Variants in CNTNAP5 observed in about 807,000 individuals in gnomAD.
CNTNAP5 encodes the protein contactin associated protein family member 5.
Under a neutral mutation model 150.2 loss-of-function variants are expected in CNTNAP5, and 72 were observed. The ratio of observed to expected loss-of-function variants is 0.48; its 90% CI spans 0.40 to 0.58. The LOEUF (loss-of-function observed/expected upper bound fraction) is 0.58, where lower values mean the gene tolerates loss of function less well. Ranked by LOEUF, CNTNAP5 falls within the 20% of genes least tolerant of loss-of-function variation. CNTNAP5 has a pLI of 0.00. For missense variants in CNTNAP5, 1,636 were observed against 1,626.2 expected, an observed-to-expected ratio of 1.01 and a Z score of -0.10; for synonymous variants, 672 against 619.8, an observed-to-expected ratio of 1.08 and a Z score of -1.25.
At chr2:124,555,435 A>G (rs368671566) in intron 10 of CNTNAP5, among the ~76,000 whole-genome samples, 11 of 152,364 alleles carry the variant, frequency 7.2e-5, no homozygotes, top group African/African-American at 2.6e-4. Flanking sequence ...TTGGCTGACC[A>G]TGAAACCCAT....
At chr2:124,388,898 C>T (rs867143497) in intron 3 of CNTNAP5, among the ~76,000 whole-genome samples, 2 of 152,064 alleles carry the variant, frequency 1.3e-5, no homozygotes, top group Non-Finnish European at 1.5e-5. Context: ...CCAGGCTGCA[C>T]GGGGTCCATT....
chr2:124,693,229 T>C (rs1679335812), intron 13 of CNTNAP5, among the ~76,000 whole-genome samples: 1 of 152,132 alleles, frequency 6.6e-6, no homozygotes, highest in Non-Finnish European at 1.5e-5. Flanking sequence ...GAAACATAGT[T>C]GGCACAGAAT....
intron 6 of CNTNAP5, among the ~76,000 whole-genome samples, chr2:124,455,574 A>T (rs1370197223): frequency 6.6e-6 from 1 of 152,124 alleles, no homozygotes; most frequent in Non-Finnish European, 1.5e-5. Context: ...TATGAAGCCA[A>T]TATCACCCTA....
chr2:124,324,295 C>A (rs1318417743), intron 3 of CNTNAP5, among the ~76,000 whole-genome samples: 1 of 152,162 alleles, frequency 6.6e-6, no homozygotes, highest in Non-Finnish European at 1.5e-5. Context: ...GACACAGACA[C>A]AGAAGGAGTT....
chr2:124,366,893 T>C (rs1230935957), intron 3 of CNTNAP5, among the ~76,000 whole-genome samples: 1 of 152,096 alleles, frequency 6.6e-6, no homozygotes, highest in Admixed American at 6.5e-5. Flanking sequence ...TCTCTTCTGC[T>C]GAGAGAGCAA....
intron 16 of CNTNAP5, among the ~76,000 whole-genome samples, chr2:124,765,472 ACAAT>A (rs1284080968): frequency 1.2e-5 from 1 of 86,202 alleles, no homozygotes. Flanking sequence ...TTAAAAATAA[ACAAT>A]TAGATTTGAG....
chr2:124,126,735 G>A (rs918001177), intron 1 of CNTNAP5, among the ~76,000 whole-genome samples: 11 of 152,074 alleles, frequency 7.2e-5, no homozygotes, highest in African/African-American at 2.7e-4. Flanking sequence ...CTCATCCCTG[G>A]GATACAACGC....
chr2:124,447,591 T>C (rs1414660697), intron 6 of CNTNAP5, among the ~76,000 whole-genome samples: 1 of 152,146 alleles, frequency 6.6e-6, no homozygotes, highest in East Asian at 1.9e-4. Context: ...AGTCTCTGAG[T>C]TGGAGAAACT....
chr2:124,229,000 T>C (rs1462688501), intron 2 of CNTNAP5, among the ~76,000 whole-genome samples: 2 of 152,130 alleles, frequency 1.3e-5, no homozygotes, highest in Admixed American at 6.6e-5. Context: ...CTGAGTCCCT[T>C]GATGATTATA....
chr2:124,166,127 A>C (rs1684806654), intron 1 of CNTNAP5, among the ~76,000 whole-genome samples: 1 of 152,132 alleles, frequency 6.6e-6, no homozygotes, highest in South Asian at 2.1e-4. Context: ...AATAATGCAG[A>C]CAAAATTCTT....
intron 3 of CNTNAP5, among the ~76,000 whole-genome samples, chr2:124,417,212 A>G (rs780147307): frequency 1.3e-5 from 2 of 152,120 alleles, no homozygotes; most frequent in Non-Finnish European, 2.9e-5. Context: ...TGCTGGGATT[A>G]CAGGAGTGAG....
chr2:124,042,783 C>CATCT (rs3036301), intron 1 of CNTNAP5, among the ~76,000 whole-genome samples: 35,899 of 148,070 alleles, frequency 0.24, 4,440 homozygotes, highest in Middle Eastern at 0.29. Context: ...AACTCTCTAT[C>CATCT]ATCTATCTAT....
chr2:124,181,126 A>G (rs1308519216), intron 1 of CNTNAP5, among the ~76,000 whole-genome samples: 1 of 151,932 alleles, frequency 6.6e-6, no homozygotes, highest in African/African-American at 2.4e-5. Flanking sequence ...CACATTTTCG[A>G]TGTAATTTTG....
At chr2:124,910,331 A>G (rs1678629810) in intron 22 of CNTNAP5, among the ~76,000 whole-genome samples, 12 of 152,100 alleles carry the variant, frequency 7.9e-5, no homozygotes, top group Admixed American at 6.6e-4. Context: ...ATAGTAAGCA[A>G]AATTATAAGA....
At chr2:124,608,774 G>A (rs1013262568) in intron 11 of CNTNAP5, among the ~76,000 whole-genome samples, 3 of 151,780 alleles carry the variant, frequency 2.0e-5, no homozygotes, top group African/African-American at 4.8e-5. Flanking sequence ...GTGAAACCCC[G>A]TCTCTACTAA....
intron 14 of CNTNAP5, among the ~76,000 whole-genome samples, chr2:124,758,924 C>A (rs1437871508): frequency 6.6e-6 from 1 of 152,076 alleles, no homozygotes; most frequent in Non-Finnish European, 1.5e-5. Context: ...TTGCAGATAC[C>A]TTTGCTAGAT....
chr2:124,265,785 G>C (rs1160296548), intron 3 of CNTNAP5, among the ~76,000 whole-genome samples: 3 of 152,102 alleles, frequency 2.0e-5, no homozygotes, highest in Admixed American at 1.3e-4. Context: ...GCTCTGGTTG[G>C]ACTACACAAA....
intron 11 of CNTNAP5, among the ~76,000 whole-genome samples, chr2:124,569,949 T>C (rs139490164): frequency 1.1e-3 from 170 of 152,342 alleles, no homozygotes; most frequent in African/African-American, 3.9e-3. Flanking sequence ...ATAAACCTAT[T>C]TAGGTGAGAA....
intron 14 of CNTNAP5, among the ~76,000 whole-genome samples, chr2:124,748,651 G>A (rs180993494): frequency 6.8e-4 from 104 of 152,162 alleles, no homozygotes; most frequent in Non-Finnish European, 1.3e-3. Flanking sequence ...TTAACAGCAA[G>A]GACTATTTCA....
Sources: allele counts gnomAD v4.1 joint callset (sites outside exome capture counted in the v4.1 genomes callset), GRCh38; gene constraint gnomAD v4.1.1; transcripts MANE v1.5; gene names NCBI Gene and HGNC (gene_info 2026-07-23, HGNC 2026-07-21).